Variants in PPP1R1C observed in about 807,000 individuals in gnomAD.
PPP1R1C encodes the protein protein phosphatase 1 regulatory inhibitor subunit 1C.
A neutral mutation model predicts 17.4 loss-of-function variants in PPP1R1C; 15 were observed. The observed-to-expected ratio is 0.86, with a 90% CI of 0.58 to 1.33. The LOEUF (loss-of-function observed/expected upper bound fraction) is 1.33. Ranked by LOEUF, PPP1R1C falls within the 40% of genes most tolerant of loss-of-function variation. The pLI, the probability that PPP1R1C is intolerant of heterozygous loss-of-function variation, is 0.00. For synonymous variants in PPP1R1C, 35 were observed against 43.1 expected (o/e 0.81, Z 0.73); for missense variants, 143 against 130.0 (o/e 1.10, Z -0.48).
At chr2:182,040,199 T>C (rs1687139881) in intron 2 of PPP1R1C, among the ~76,000 whole-genome samples, 1 of 152,196 alleles carries the variant, frequency 6.6e-6, no homozygotes, top group Non-Finnish European at 1.5e-5. Context: ...AAATAGTAAA[T>C]CTACTTTTAG....
chr2:182,024,104 T>C (rs1175373542), intron 2 of PPP1R1C, among the ~76,000 whole-genome samples: 2 of 152,192 alleles, frequency 1.3e-5, no homozygotes, highest in Non-Finnish European at 2.9e-5. Context: ...TATTTCAAGG[T>C]ACAGATATTC....
chr2:182,109,318 T>C (rs1429813022), intron 4 of PPP1R1C, among the ~76,000 whole-genome samples: 1 of 152,182 alleles, frequency 6.6e-6, no homozygotes, highest in Non-Finnish European at 1.5e-5. Flanking sequence ...TTACATTGTT[T>C]TTCACAGAGC....
rs576286734 is a variant in PPP1R1C at position 182,011,717 on chromosome 2, T to A, written c.142+23818T>A. On this transcript the variant is annotated intron_variant, in intron 2 of 4. Coordinates refer to ENST00000682840, the MANE Select transcript of PPP1R1C (RefSeq NM_001080545.3). ...TAAGATGCATTGTAAGGTTGGTTAT[T>A]TGAAGTTCTTCTACTTTGTATGTAG... Among the ~76,000 whole-genome samples, 199 of 152,210 alleles carry A rather than the reference T, an allele frequency of 1.3e-3. 1 individual carries two copies. The highest frequency in any genetic ancestry group is 1.9e-3 in the Non-Finnish European group (126 of 67,942).
chr2:182,033,711 C>T (rs1028029583), intron 2 of PPP1R1C, among the ~76,000 whole-genome samples: 17 of 152,162 alleles, frequency 1.1e-4, no homozygotes, highest in African/African-American at 3.9e-4. Context: ...TTAAAATACA[C>T]ATCTGACCAC....
downstream of PPP1R1C, chr2:182,130,563 C>G (rs900838613): frequency 6.6e-6 from 1 of 152,166 alleles, no homozygotes; most frequent in Admixed American, 6.5e-5. Flanking sequence ...TTGAACATCT[C>G]TTTAATAATT....
intron 4 of PPP1R1C, among the ~76,000 whole-genome samples, chr2:182,102,979 T>C (rs879446355): frequency 1.3e-5 from 2 of 151,914 alleles, no homozygotes; most frequent in Non-Finnish European, 2.9e-5. Context: ...GCTGATTTAT[T>C]TTTTTATAGA....
intron 2 of PPP1R1C, among the ~76,000 whole-genome samples, chr2:182,033,225 C>T (rs1456059483): frequency 1.3e-5 from 2 of 152,158 alleles, no homozygotes; most frequent in African/African-American, 4.8e-5. Flanking sequence ...TTTCCTACCA[C>T]ACAAACAATG....
At position 182,044,215 on chromosome 2, in the gene PPP1R1C, C is replaced by G. The variant is rs536267319; in HGVS notation, c.143-17227C>G. 1.2e-3 allele frequency among the ~76,000 whole-genome samples: 180 copies of G among 152,272 alleles called. 1 individual carries two copies. Among genetic ancestry groups the G allele is most frequent in the African/African-American group, 4.2e-3 (173 of 41,560 alleles). ...CCACATAACTGTCAGAATGATCTTT[C>G]TACGAAAGAAATCTGGTCATGCCTC... On this transcript the variant is annotated intron_variant, in intron 2 of 4. Transcript: ENST00000682840.
intron 2 of PPP1R1C, chr2:182,023,835 C>T (rs1012504895): frequency 6.6e-6 from 1 of 152,048 alleles, no homozygotes; most frequent in African/African-American, 2.4e-5. Context: ...CCAGGTCTCA[C>T]TGTTTTGCCA....
At chr2:182,107,898 G>A (rs1689299419) in intron 4 of PPP1R1C, among the ~76,000 whole-genome samples, 1 of 151,744 alleles carries the variant, frequency 6.6e-6, no homozygotes, top group African/African-American at 2.4e-5. Context: ...GCTTGCTATT[G>A]TAGGTGAACG....
At chr2:182,124,339 G>GTTTTTTTTTTTTTTTTTTTTTTTT (rs1378403544) in intron 5 of PPP1R1C, among the ~76,000 whole-genome samples, 4 of 52,158 alleles carry the variant, frequency 7.7e-5, no homozygotes, top group Non-Finnish European at 1.2e-4. Context: ...TTTTTTTTTT[G>GTTTTTTTTTTTTTTTTTTTTTTTT]TTTTTTTTTT....
chr2:182,010,893 T>A (rs1421753393), intron 2 of PPP1R1C, among the ~76,000 whole-genome samples: 1 of 152,084 alleles, frequency 6.6e-6, no homozygotes, highest in Non-Finnish European at 1.5e-5. Flanking sequence ...ATGGTGTTAG[T>A]CCTTTATTTT....
intron 4 of PPP1R1C, among the ~76,000 whole-genome samples, chr2:182,116,813 C>T (rs775263790): frequency 7.2e-5 from 11 of 152,124 alleles, no homozygotes; most frequent in South Asian, 4.1e-4. Context: ...GGCACGCACA[C>T]CCTTTTGTTC....
intron 2 of PPP1R1C, among the ~76,000 whole-genome samples, chr2:182,007,263 A>T (rs1281600120): frequency 6.6e-6 from 1 of 152,186 alleles, no homozygotes; most frequent in Non-Finnish European, 1.5e-5. Context: ...CGTATACACT[A>T]ACATACCACA....
At chr2:182,075,700 C>T (rs1479836183) in intron 4 of PPP1R1C, among the ~76,000 whole-genome samples, 2 of 152,164 alleles carry the variant, frequency 1.3e-5, no homozygotes, top group Non-Finnish European at 2.9e-5. Flanking sequence ...TGGTTTGAAT[C>T]CCACTTTTCA....
At chr2:182,080,500 C>T (rs1688443201) in intron 4 of PPP1R1C, among the ~76,000 whole-genome samples, 1 of 152,194 alleles carries the variant, frequency 6.6e-6, no homozygotes, top group Non-Finnish European at 1.5e-5. Context: ...GTCAGGCTTT[C>T]TTTAACATTC....
At chr2:182,087,802 T>A (rs1476699315) in intron 4 of PPP1R1C, among the ~76,000 whole-genome samples, 1 of 152,160 alleles carries the variant, frequency 6.6e-6, no homozygotes, top group Non-Finnish European at 1.5e-5. Flanking sequence ...TTGGTCAGAG[T>A]CCATAGTTTA....
At chr2:182,060,277 C>T (rs1190404780) in intron 2 of PPP1R1C, among the ~76,000 whole-genome samples, 2 of 151,998 alleles carry the variant, frequency 1.3e-5, no homozygotes, top group Admixed American at 1.3e-4. Flanking sequence ...GCTGTTTAGC[C>T]AGTTTGTTCT....
rs564293101 is a variant in PPP1R1C, at chr2:181,962,810, G to A, written n.111+8176G>A. Among the ~76,000 whole-genome samples, 5 of 152,284 alleles carry A rather than the reference G, an allele frequency of 3.3e-5. No homozygotes were observed. Among genetic ancestry groups the A allele is most frequent in the Non-Finnish European group, 5.9e-5 (4 of 68,020 alleles). On this transcript the variant is annotated intron_variant and non_coding_transcript_variant, in intron 1 of 5. Transcript: ENST00000464264. The surrounding 1 kb of genome is among the most constrained non-coding windows in gnomAD (Gnocchi z 6.0). ...CTGGAGATAAAGGAAAGCGGAGCCT[G>A]AGCTAACCAGGGACCTTCACATCCA...
Sources: allele counts gnomAD v4.1 joint callset (sites outside exome capture counted in the v4.1 genomes callset), GRCh38; gene constraint gnomAD v4.1.1; non-coding constraint Gnocchi (gnomAD v3.1); transcripts MANE v1.5; gene names NCBI Gene and HGNC (gene_info 2026-07-23, HGNC 2026-07-21).